Variants in M1AP observed in about 807,000 individuals in gnomAD.
The protein encoded by M1AP is meiosis 1 arrest protein.
M1AP carries 39 observed loss-of-function variants against 51.2 expected under a neutral mutation model. That is an observed-to-expected ratio of 0.76 (90% CI 0.59 to 1.00). The LOEUF is 1.00. M1AP is among the 50% of genes least tolerant of loss of function. M1AP has a pLI of 0.00. For missense variants in M1AP, 545 were observed against 641.2 expected (o/e 0.85, Z 1.62); for synonymous variants, 251 against 249.2 (o/e 1.01, Z -0.07).
intron 8 of M1AP, among the ~76,000 whole-genome samples, chr2:74,561,765 C>T (rs1187398243): frequency 6.6e-6 from 1 of 152,152 alleles, no homozygotes; most frequent in Non-Finnish European, 1.5e-5. Context: ...GCGTCCAGTG[C>T]ATCCCCAGGA....
In M1AP at chr2:74,581,848, C is replaced by A. The variant is rs1263888492; in HGVS notation, c.596-1G>T. 1 of 1,607,122 alleles carries A rather than the reference C, an allele frequency of 6.2e-7. No homozygotes were observed. Among genetic ancestry groups the A allele is most frequent in the East Asian group, 2.2e-5 (1 of 44,774 alleles). ...ATGTCAGTTCCCAGAATAGAACTCT[C>A]TGCAAAAGAAAGGGAAATAAAGTGT... On this transcript the variant is annotated splice_acceptor_variant, in intron 4 of 10. Coordinates refer to ENST00000421985, the MANE Select transcript of M1AP (RefSeq NM_001321739.2). LOFTEE classifies it high-confidence loss of function.
chr2:74,602,087 T>C (rs1290397418), intron 4 of M1AP, among the ~76,000 whole-genome samples: 2 of 152,186 alleles, frequency 1.3e-5, no homozygotes, highest in African/African-American at 2.4e-5. Context: ...TAAGAAGTGT[T>C]TGAATCAATT....
intron 2 of M1AP, among the ~76,000 whole-genome samples, chr2:74,633,950 G>A (rs900700229): frequency 6.6e-6 from 1 of 151,926 alleles, no homozygotes; most frequent in African/African-American, 2.4e-5. Flanking sequence ...TTTCTTCCTA[G>A]CAATTTGACT....
At chr2:74,607,291 C>T in intron 3 of M1AP, 68 bp from the exon 4 acceptor site, 1 of 1,493,534 alleles carries the variant, frequency 6.7e-7, no homozygotes, top group Non-Finnish European at 9.3e-7. Context: ...CATAACAGTT[C>T]CTACCCGGAG....
chr2:74,563,483 G>A (rs1678167838), intron 7 of M1AP, among the ~76,000 whole-genome samples: 1 of 151,798 alleles, frequency 6.6e-6, no homozygotes, highest in Admixed American at 6.6e-5. Context: ...CCTGTAATCC[G>A]AGCTACTTGG....
At chr2:74,569,793 A>C (rs1678613657) in intron 7 of M1AP, among the ~76,000 whole-genome samples, 1 of 152,134 alleles carries the variant, frequency 6.6e-6, no homozygotes, top group Non-Finnish European at 1.5e-5. Context: ...TATGTCAGAG[A>C]GGCTAAGTCA....
At chr2:74,559,190 GCT>G (rs200945205) in intron 10 of M1AP, among the ~76,000 whole-genome samples, 3,713 of 149,822 alleles carry the variant, frequency 0.025, 212 homozygotes, top group Admixed American at 0.14. Flanking sequence ...ACAGGATCTT[GCT>G]CTGTTACCCA....
At chr2:74,590,494 G>T (rs1679978412) in intron 4 of M1AP, among the ~76,000 whole-genome samples, 1 of 152,158 alleles carries the variant, frequency 6.6e-6, no homozygotes, top group Non-Finnish European at 1.5e-5. Flanking sequence ...TTAGCTCTAA[G>T]ATAGGTCCCA....
chr2:74,626,656 T>C (rs1218102423), intron 2 of M1AP, among the ~76,000 whole-genome samples: 2 of 152,210 alleles, frequency 1.3e-5, no homozygotes, highest in Non-Finnish European at 2.9e-5. Context: ...CTAGTACTTG[T>C]ATAGTTTATT....
chr2:74,586,958 C>T (rs1283890348), intron 4 of M1AP, among the ~76,000 whole-genome samples: 3 of 150,212 alleles, frequency 2.0e-5, no homozygotes, highest in Non-Finnish European at 2.9e-5. Flanking sequence ...ACTGAGATCG[C>T]GCCATTGCAC....
intron 3 of M1AP, among the ~76,000 whole-genome samples, chr2:74,608,726 T>G (rs528636957): frequency 9.1e-4 from 138 of 152,370 alleles, no homozygotes; most frequent in African/African-American, 3.0e-3. Flanking sequence ...TTCCTGTTGC[T>G]CCACATCCTC....
intron 4 of M1AP, among the ~76,000 whole-genome samples, chr2:74,598,400 T>C (rs1218155757): frequency 2.6e-5 from 4 of 151,784 alleles, no homozygotes; most frequent in Admixed American, 2.6e-4. Context: ...AATAAATAAA[T>C]AAATAAATAA....
intron 4 of M1AP, among the ~76,000 whole-genome samples, chr2:74,587,749 T>G (rs1421521569): frequency 1.3e-5 from 2 of 151,462 alleles, no homozygotes; most frequent in African/African-American, 2.4e-5. Flanking sequence ...GTTACAGGAG[T>G]GAAACGGTGG....
chr2:74,578,684 T>G (rs1679231822), intron 5 of M1AP, among the ~76,000 whole-genome samples: 2 of 152,138 alleles, frequency 1.3e-5, no homozygotes, highest in Admixed American at 1.3e-4. Flanking sequence ...CTGTGTGCTC[T>G]GTCAGAGGAA....
At chr2:74,613,258 C>T (rs1367068733) in intron 3 of M1AP, among the ~76,000 whole-genome samples, 1 of 152,168 alleles carries the variant, frequency 6.6e-6, no homozygotes, top group Non-Finnish European at 1.5e-5. Context: ...TCTGAGAATT[C>T]CAGTGTCTCT....
At chr2:74,643,570 C>T (rs1051090771) in intron 1 of M1AP, among the ~76,000 whole-genome samples, 6 of 150,932 alleles carry the variant, frequency 4.0e-5, no homozygotes, top group Non-Finnish European at 8.8e-5. Flanking sequence ...AGAAGGGGGT[C>T]CTGGGGTGTT....
chr2:74,607,208 A>C lies in M1AP; in HGVS notation c.442T>G (p.Ser148Ala). Residue 148 changes from serine to alanine, a missense_variant, in exon 4 of 11, where the codon TCT becomes GCT. Physicochemically the swap from Ser to Ala is moderately conservative, Grantham distance 99. Coordinates refer to ENST00000421985, the MANE Select transcript of M1AP (RefSeq NM_001321739.2). Reference sequence around the variant, plus strand: ...TTGACCACCTCTTTTCCAGGCTGAGAAGTCAGAATAGTAATCTGAAAATAA... The same window carrying C: ...TTGACCACCTCTTTTCCAGGCTGAGCAGTCAGAATAGTAATCTGAAAATAA... ...YTSLEITILT[S>A]QPGKEVVKQL... is the part of the protein sequence containing the mutation. 1 of 1,614,054 alleles carries C rather than the reference A, an allele frequency of 6.2e-7. No individual in the cohort carries two copies. The highest frequency in any genetic ancestry group is 8.5e-7 in the Non-Finnish European group (1 of 1,179,932).
At chr2:74,618,915 C>A in intron 2 of M1AP, 1 of 531,556 alleles carries the variant, frequency 1.9e-6, no homozygotes, top group South Asian at 1.4e-5. Flanking sequence ...ATTTTCTTGT[C>A]TTTGGGGAAA....
chr2:74,611,970 T>C (rs1372924085), intron 3 of M1AP, among the ~76,000 whole-genome samples: 1 of 114,106 alleles, frequency 8.8e-6, no homozygotes, highest in Non-Finnish European at 1.7e-5. Flanking sequence ...CTCGGCTCAC[T>C]GCAAGCTCCG....
Sources: allele counts gnomAD v4.1 joint callset (sites outside exome capture counted in the v4.1 genomes callset), GRCh38; gene constraint gnomAD v4.1.1; transcripts MANE v1.5; gene names NCBI Gene and HGNC (gene_info 2026-07-23, HGNC 2026-07-21).